The following MYO1D variants were observed in gnomAD, a reference collection of about 807,000 sequenced individuals.
MYO1D encodes unconventional myosin-Id.
In MYO1D, 83 loss-of-function variants were observed where a neutral mutation model predicts 122.0. The ratio of observed to expected loss-of-function variants is 0.68; its 90% CI spans 0.57 to 0.82. The LOEUF is 0.82. MYO1D is among the 40% of genes least tolerant of loss of function. The pLI is 0.00. For missense variants in MYO1D, 1,157 were observed against 1,269.5 expected (o/e 0.91, Z 1.35); for synonymous variants, 464 against 446.9 (o/e 1.04, Z -0.48).
intron 1 of MYO1D, among the ~76,000 whole-genome samples, chr17:32,823,014 C>A (rs2090688666): frequency 6.6e-6 from 1 of 152,110 alleles, no homozygotes; most frequent in South Asian, 2.1e-4. Context: ...TGGTTTTAAC[C>A]ATGACTTTTA....
At position 32,755,708 on chromosome 17, in the gene MYO1D, G is replaced by C. The variant is rs1474391167; in HGVS notation, c.1297-46C>G. 1.9e-6 allele frequency: 3 copies of C among 1,554,032 alleles called. No homozygotes were observed. In the Admixed American group the frequency reaches 5.4e-5, roughly 28 times the overall value. ...GGAATTCTGAAGAGAACAGTGACCAGGCCAGGTTAAACCCTGATGCTCCCA... is the reference window on the plus strand; with the variant it reads ...GGAATTCTGAAGAGAACAGTGACCACGCCAGGTTAAACCCTGATGCTCCCA... On this transcript the variant is annotated intron_variant, in intron 10 of 21. Coordinates refer to ENST00000318217, the MANE Select transcript of MYO1D (RefSeq NM_015194.3).
intron 1 of MYO1D, among the ~76,000 whole-genome samples, chr17:32,791,915 GT>G (rs2090356555): frequency 6.6e-6 from 1 of 152,126 alleles, no homozygotes; most frequent in Admixed American, 6.5e-5. Context: ...CTGGTTTCCT[GT>G]GAATTCATTT....
At chr17:32,543,326 C>T (rs1423350976) in intron 21 of MYO1D, among the ~76,000 whole-genome samples, 1 of 151,722 alleles carries the variant, frequency 6.6e-6, no homozygotes, top group African/African-American at 2.4e-5. Context: ...CCTGTAATCC[C>T]AGCACTATGG....
chr17:32,737,271 G>A (rs1241662127), intron 14 of MYO1D, among the ~76,000 whole-genome samples: 2 of 151,832 alleles, frequency 1.3e-5, no homozygotes, highest in African/African-American at 4.8e-5. Flanking sequence ...GTAGAAATAT[G>A]TTCTTTAAGG....
intron 20 of MYO1D, among the ~76,000 whole-genome samples, chr17:32,609,452 A>G (rs1053217947): frequency 2.0e-5 from 3 of 152,168 alleles, no homozygotes; most frequent in Non-Finnish European, 4.4e-5. Flanking sequence ...GGATCAGAGG[A>G]AGAGGTAAGT....
At chr17:32,613,645 G>A (rs576676844) in intron 20 of MYO1D, among the ~76,000 whole-genome samples, 74 of 151,800 alleles carry the variant, frequency 4.9e-4, no homozygotes, top group Non-Finnish European at 9.3e-4. Flanking sequence ...GTGGTGGTGC[G>A]TGCCTGTAAT....
chr17:32,731,220 CTTTTA>C (rs1314817865), intron 14 of MYO1D, among the ~76,000 whole-genome samples: 2 of 152,064 alleles, frequency 1.3e-5, no homozygotes, highest in African/African-American at 2.4e-5. Context: ...CTTAATGTTT[CTTTTA>C]TATGTTTCAT....
At chr17:32,797,355 C>T (rs2090425710) in intron 1 of MYO1D, among the ~76,000 whole-genome samples, 1 of 152,154 alleles carries the variant, frequency 6.6e-6, no homozygotes, top group Non-Finnish European at 1.5e-5. Flanking sequence ...AAAGGTTTTC[C>T]AAGGTGTTAT....
At chr17:32,594,275 G>A (rs2087468164) in intron 21 of MYO1D, 1 of 311,058 alleles carries the variant, frequency 3.2e-6, no homozygotes, top group Non-Finnish European at 5.9e-6. Flanking sequence ...TTTGTATATT[G>A]CTAAGAAAGT....
intron 21 of MYO1D, among the ~76,000 whole-genome samples, chr17:32,508,046 G>T (rs1350121362): frequency 6.6e-6 from 1 of 151,990 alleles, no homozygotes; most frequent in Admixed American, 6.5e-5. Flanking sequence ...ACAGGCATGT[G>T]CCACCATGCC....
At chr17:32,589,483 T>G (rs1163460205) in intron 21 of MYO1D, among the ~76,000 whole-genome samples, 1 of 152,028 alleles carries the variant, frequency 6.6e-6, no homozygotes, top group East Asian at 1.9e-4. Flanking sequence ...TTCCAGGGAG[T>G]AGGGCAATGT....
At position 32,780,564 on chromosome 17, in the gene MYO1D, C is replaced by A. The variant is rs2090224710; in HGVS notation, c.304+12G>T. On this transcript the variant is annotated intron_variant, in intron 2 of 21. Transcript: ENST00000318217. Reference sequence around the variant, plus strand: ...TGTGACTTTGGAAATACAGGGGATCCCCTCCAATTACCTGATATCACAATA... The same window carrying A: ...TGTGACTTTGGAAATACAGGGGATCACCTCCAATTACCTGATATCACAATA... 3 of 1,611,584 alleles carry A rather than the reference C, an allele frequency of 1.9e-6. No individual in the cohort carries two copies. In the East Asian group the frequency reaches 6.7e-5, roughly 36 times the overall value.
At chr17:32,623,530 C>G (rs2087880436) in intron 20 of MYO1D, among the ~76,000 whole-genome samples, 1 of 152,124 alleles carries the variant, frequency 6.6e-6, no homozygotes, top group African/African-American at 2.4e-5. Flanking sequence ...ATTTCTTTAT[C>G]TTATACTACT....
intron 16 of MYO1D, among the ~76,000 whole-genome samples, chr17:32,676,072 T>C (rs953074883): frequency 2.6e-5 from 4 of 152,162 alleles, no homozygotes; most frequent in Non-Finnish European, 5.9e-5. Context: ...TGGAGTGATA[T>C]ATGCAGTAAC....
At chr17:32,587,356 A>T (rs1484489238) in intron 21 of MYO1D, among the ~76,000 whole-genome samples, 1 of 152,088 alleles carries the variant, frequency 6.6e-6, no homozygotes, top group South Asian at 2.1e-4. Context: ...TACTAAAAAT[A>T]CAAAAATTAG....
chr17:32,509,330 A>T (rs867694801), intron 21 of MYO1D, among the ~76,000 whole-genome samples: 1 of 152,212 alleles, frequency 6.6e-6, no homozygotes, highest in Middle Eastern at 3.2e-3. Context: ...AAACCCAAAC[A>T]TCCCTGTATT....
At chr17:32,553,085 A>C (rs1470036495) in intron 21 of MYO1D, among the ~76,000 whole-genome samples, 2 of 134,194 alleles carry the variant, frequency 1.5e-5, no homozygotes, top group Admixed American at 7.4e-5. Flanking sequence ...GACAAAAAAA[A>C]AAAAACAAAA....
intron 20 of MYO1D, among the ~76,000 whole-genome samples, chr17:32,626,140 C>G (rs950527948): frequency 6.6e-6 from 1 of 152,232 alleles, no homozygotes; most frequent in Non-Finnish European, 1.5e-5. Flanking sequence ...GTCCACAAGG[C>G]TTGTAGGCAG....
intron 11 of MYO1D, among the ~76,000 whole-genome samples, chr17:32,754,788 TA>T (rs2089930460): frequency 6.6e-6 from 1 of 152,198 alleles, no homozygotes; most frequent in South Asian, 2.1e-4. Flanking sequence ...GTTCCTCTTC[TA>T]ACACAAATTT....
Sources: allele counts gnomAD v4.1 joint callset (sites outside exome capture counted in the v4.1 genomes callset), GRCh38; gene constraint gnomAD v4.1.1; transcripts MANE v1.5; gene names NCBI Gene and HGNC (gene_info 2026-07-23, HGNC 2026-07-21).